RALYL: variants seen among roughly 807,000 people sequenced by gnomAD.
RALYL encodes the protein RALY RNA binding protein like, also known as RNA-binding Raly-like protein.
A neutral mutation model predicts 35.1 loss-of-function variants in RALYL; 29 were observed. The observed-to-expected ratio is 0.83, with a 90% CI of 0.61 to 1.13. RALYL has a LOEUF of 1.13. Ranked by LOEUF, RALYL falls within the 50% of genes most tolerant of loss-of-function variation. RALYL has a pLI of 0.00. For missense variants in RALYL, 359 were observed against 360.4 expected (o/e 1.00, Z 0.03); for synonymous variants, 120 against 127.6 (o/e 0.94, Z 0.40).
At chr8:84,692,004 A>G (rs887877891) in intron 2 of RALYL, among the ~76,000 whole-genome samples, 1 of 152,070 alleles carries the variant, frequency 6.6e-6, no homozygotes, top group East Asian at 1.9e-4. Flanking sequence ...ATCAGTAGAT[A>G]TATTTGACCA....
intron 1 of RALYL, among the ~76,000 whole-genome samples, chr8:84,272,981 C>T (rs1017243697): frequency 6.8e-4 from 104 of 152,102 alleles, no homozygotes; most frequent in Non-Finnish European, 2.9e-5. Flanking sequence ...TATACATTTG[C>T]TAGATTGATT....
chr8:84,525,764 A>T (rs7018418), intron 1 of RALYL, among the ~76,000 whole-genome samples: 3,191 of 151,886 alleles, frequency 0.021, 123 homozygotes, highest in African/African-American at 0.073. Context: ...TCAGTGATTT[A>T]AAAAAAAGTT....
intron 2 of RALYL, among the ~76,000 whole-genome samples, chr8:84,745,877 A>G (rs1358850426): frequency 6.6e-6 from 1 of 151,894 alleles, no homozygotes; most frequent in African/African-American, 2.4e-5. Context: ...TCTCTTACAT[A>G]TTATTCCCCT....
Position 84,873,382 on chromosome 8 carries a change from C to A in RALYL, c.670C>A (p.Gln224Lys), listed in dbSNP as rs200122534. ...LGRLEKIEKQ[Q>K]KAEAEAQKKQ... ...GCGCCTGGAGAAGATTGAGAAACAG[C>A]AGAAGGCGGAGGCAGGTAAGTGATC... The change falls in exon 7 of 9, where the codon CAG (glutamine) becomes AAG (lysine). Residue 224 changes from glutamine to lysine, a missense_variant. Transcript: ENST00000521268. The A allele has an allele frequency of 9.1e-4, 1,448 of 1,593,012 alleles. 7 individuals carry two copies. Among genetic ancestry groups the A allele is most frequent in the Non-Finnish European group, 3.7e-4 (432 of 1,168,138 alleles).
intron 1 of RALYL, among the ~76,000 whole-genome samples, chr8:84,199,194 G>T (rs753692147): frequency 2.0e-5 from 3 of 152,088 alleles, no homozygotes; most frequent in Admixed American, 2.0e-4. Flanking sequence ...CATTTTACCT[G>T]GGATGAGATG....
Position 84,615,362 on chromosome 8 carries a change from C to T in RALYL, c.256+85785C>T, listed in dbSNP as rs577134344. Among the ~76,000 whole-genome samples, 3 of 151,038 alleles carry T rather than the reference C, an allele frequency of 2.0e-5. 1 individual carries two copies. Among genetic ancestry groups the T allele is most frequent in the Admixed American group, 2.0e-4 (3 of 15,158 alleles). On this transcript the variant is annotated intron_variant, in intron 2 of 8. Coordinates refer to ENST00000521268, the MANE Select transcript of RALYL (RefSeq NM_173848.7). ...TTGAAAAAAAAAAAAACAGAACGTC[C>T]TTATGCGTAGCATGGGCATCTGCAT...
At chr8:84,617,200 G>A (rs1415433578) in intron 2 of RALYL, among the ~76,000 whole-genome samples, 4 of 151,154 alleles carry the variant, frequency 2.6e-5, no homozygotes, top group Non-Finnish European at 5.9e-5. Flanking sequence ...CCATTTTCAC[G>A]ATATTGATTG....
intron 5 of RALYL, among the ~76,000 whole-genome samples, chr8:84,855,339 T>C (rs1483310982): frequency 6.6e-6 from 1 of 152,242 alleles, no homozygotes; most frequent in Admixed American, 6.5e-5. Flanking sequence ...TATATTGTCA[T>C]ACTCTTTCTG....
At chr8:84,884,432 C>G (rs1173444464) in intron 7 of RALYL, among the ~76,000 whole-genome samples, 1 of 151,846 alleles carries the variant, frequency 6.6e-6, no homozygotes, top group Non-Finnish European at 1.5e-5. Flanking sequence ...CTACAGGGGT[C>G]CTTTGAAAAT....
At chr8:84,912,481 G>T (rs1273761479) in intron 8 of RALYL, among the ~76,000 whole-genome samples, 1 of 152,018 alleles carries the variant, frequency 6.6e-6, no homozygotes, top group Non-Finnish European at 1.5e-5. Flanking sequence ...AAAGTTATGT[G>T]CACATATGCA....
At chr8:84,375,107 T>C (rs1008875657) in intron 1 of RALYL, among the ~76,000 whole-genome samples, 3 of 151,898 alleles carry the variant, frequency 2.0e-5, no homozygotes, top group African/African-American at 7.2e-5. Context: ...TACAGACACA[T>C]AATGTGTAAT....
At chr8:84,375,844 T>C (rs1282475274) in intron 1 of RALYL, among the ~76,000 whole-genome samples, 5 of 151,876 alleles carry the variant, frequency 3.3e-5, no homozygotes, top group Admixed American at 1.3e-4. Context: ...CTAGTCTTTA[T>C]AAATTCTCAA....
chr8:84,447,486 C>T (rs1357191035), intron 1 of RALYL, among the ~76,000 whole-genome samples: 1 of 152,028 alleles, frequency 6.6e-6, no homozygotes, highest in African/African-American at 2.4e-5. Flanking sequence ...CAGTCTCTCC[C>T]TTTAACCTCT....
chr8:84,642,381 ACT>A (rs1202047564), intron 2 of RALYL, among the ~76,000 whole-genome samples: 1 of 151,124 alleles, frequency 6.6e-6, no homozygotes, highest in Non-Finnish European at 1.5e-5. Context: ...GAGAAAAAAA[ACT>A]CTTTTACCTT....
chr8:84,555,387 A>T (rs2061042716), intron 2 of RALYL, among the ~76,000 whole-genome samples: 1 of 152,212 alleles, frequency 6.6e-6, no homozygotes, highest in South Asian at 2.1e-4. Flanking sequence ...ACAATATGGG[A>T]AACCTCTGCT....
chr8:84,544,321 C>T (rs10095469), intron 2 of RALYL, among the ~76,000 whole-genome samples: 4,461 of 151,946 alleles, frequency 0.029, 111 homozygotes, highest in Middle Eastern at 0.079. Flanking sequence ...TCTCTCTTCC[C>T]ACTTGTAAAC....
At chr8:84,372,729 G>T (rs1337760334) in intron 1 of RALYL, among the ~76,000 whole-genome samples, 1 of 151,700 alleles carries the variant, frequency 6.6e-6, no homozygotes, top group African/African-American at 2.4e-5. Context: ...ATTCCTTTGG[G>T]TATATACCCA....
intron 1 of RALYL, among the ~76,000 whole-genome samples, chr8:84,309,886 G>A (rs913575210): frequency 4.6e-5 from 7 of 151,874 alleles, no homozygotes; most frequent in African/African-American, 1.2e-4. Flanking sequence ...CACCACGACC[G>A]GCTAATTTCT....
intron 8 of RALYL, among the ~76,000 whole-genome samples, chr8:84,891,902 T>C (rs1843928577): frequency 6.6e-6 from 1 of 152,144 alleles, no homozygotes; most frequent in Admixed American, 6.5e-5. Flanking sequence ...ACAATATAAT[T>C]AGAGTTTTTC....
Sources: allele counts gnomAD v4.1 joint callset (sites outside exome capture counted in the v4.1 genomes callset), GRCh38; gene constraint gnomAD v4.1.1; transcripts MANE v1.5; gene names NCBI Gene and HGNC (gene_info 2026-07-23, HGNC 2026-07-21).